The following HDHD5 variants were observed in gnomAD, a reference collection of about 807,000 sequenced individuals.
HDHD5 encodes haloacid dehalogenase like hydrolase domain containing 5, also known as haloacid dehalogenase-like hydrolase domain-containing 5.
In HDHD5, 34 loss-of-function variants were observed where a neutral mutation model predicts 35.5. The observed-to-expected ratio is 0.96, with a 90% CI of 0.73 to 1.28. The LOEUF (loss-of-function observed/expected upper bound fraction) is 1.28. Among genes scored for constraint, HDHD5 ranks in the 50% most tolerant of loss-of-function variants. The probability of loss-of-function intolerance (pLI) is 0.00; values close to 1 mark genes in which losing one functional copy is unlikely to be tolerated. For synonymous variants in HDHD5, 248 were observed against 240.6 expected, an observed-to-expected ratio of 1.03 and a Z score of -0.29; for missense variants, 589 against 560.2, an observed-to-expected ratio of 1.05 and a Z score of -0.52.
chr22:17,158,879 C>A, intron 1 of HDHD5: 1 of 294,338 alleles, frequency 3.4e-6, no homozygotes, highest in Admixed American at 5.2e-5. Context: ...TGACAAGCAG[C>A]CTGGCCCAGG....
chr22:17,141,102 T>C lies in HDHD5; in HGVS notation c.703A>G (p.Ser235Gly), dbSNP rs749183249. The C allele has an allele frequency of 3.8e-6, 6 of 1,592,908 alleles. No homozygotes were observed. Among genetic ancestry groups the C allele is most frequent in the East Asian group, 2.4e-5 (1 of 42,454 alleles). Residue 235 changes from serine to glycine, a missense_variant, in exon 6 of 8, where the codon AGC becomes GGC. Transcript: ENST00000336737. ...GCCATCCACAGGAGATCCATGTTGC[T>C]GGCTAGGACGGGGAGGTGGGGGTAG... The part of the protein sequence containing the change: ...PPYPHLPVLA[S>G]NMDLLWMAEA...
intron 3 of HDHD5, 38 bp downstream of exon 3, chr22:17,148,410 C>T (rs201281284): frequency 3.4e-5 from 52 of 1,529,666 alleles, no homozygotes; most frequent in Non-Finnish European, 4.7e-5. Context: ...CTCAGCCCTG[C>T]CCCTTCCCTT....
rs559024861 is a variant in HDHD5 at position 17,159,123 on chromosome 22, C to T, written c.126+3G>A. 13 of 1,239,610 alleles carry T rather than the reference C, an allele frequency of 1.0e-5. No homozygotes were observed. In the Admixed American group the frequency reaches 5.2e-4, roughly 50 times the overall value. The allele number at this position is 1,239,610 out of a possible 1,614,324, so 76.8% of individuals were successfully genotyped here. ...GGCTCGGCCAGAACCCGGACGTCCT[C>T]ACCTGAGCGGGGCCCACAGCATAGC... On this transcript the variant is annotated splice_donor_region_variant and intron_variant, in intron 1 of 7. Coordinates refer to ENST00000336737, the MANE Select transcript of HDHD5 (RefSeq NM_033070.3).
At chr22:17,145,322 T>A (rs1403676373) in intron 3 of HDHD5, among the ~76,000 whole-genome samples, 2 of 152,122 alleles carry the variant, frequency 1.3e-5, no homozygotes, top group Non-Finnish European at 2.9e-5. Context: ...AGAGGGCAGC[T>A]CCTGGGTAAC....
At chr22:17,164,888 G>A (rs948383315) in intron 1 of HDHD5, among the ~76,000 whole-genome samples, 2 of 152,238 alleles carry the variant, frequency 1.3e-5, no homozygotes, top group African/African-American at 4.8e-5. Flanking sequence ...GTACAGGAAT[G>A]GCAGGGAAGC....
chr22:17,138,460 A>G, intron 7 of HDHD5, 90 bp downstream of exon 7: 6 of 1,540,620 alleles, frequency 3.9e-6, no homozygotes, highest in Non-Finnish European at 5.3e-6. Context: ...AGAAGAGTGA[A>G]TTAGATATAG....
chr22:17,163,119 T>C (rs1468669620), upstream of HDHD5, among the ~76,000 whole-genome samples: 1 of 152,242 alleles, frequency 6.6e-6, no homozygotes, highest in Non-Finnish European at 1.5e-5. Context: ...TTTTGTACCG[T>C]CTGTTGTACA....
At chr22:17,144,909 A>T in intron 4 of HDHD5, 115 bp downstream of exon 4, 1 of 1,267,102 alleles carries the variant, frequency 7.9e-7, no homozygotes, top group Non-Finnish European at 1.1e-6. Context: ...GCCTCCAAAG[A>T]AGCATGGACA....
Position 17,138,010 on chromosome 22 carries a change from C to CCGCA in HDHD5, c.*7_*10dup. On this transcript the variant is annotated 3_prime_UTR_variant, in exon 8 of 8. Transcript: ENST00000336737. ...GTCCAGGCTCACCCCCTCACCTCCA[C>CCGCA]CGCACTGCCCTCACTCCAAAGCCCA... The CCGCA allele has an allele frequency of 6.2e-7, 1 of 1,600,672 alleles. No individual in the cohort carries two copies.
intron 3 of HDHD5, among the ~76,000 whole-genome samples, chr22:17,147,448 T>G (rs1316057): frequency 1.1e-5 from 1 of 91,902 alleles, no homozygotes; most frequent in African/African-American, 3.9e-5. Context: ...GGCCTTCACA[T>G]GCCATCGCAC....
At chr22:17,153,761 T>C (rs1388033068) in intron 1 of HDHD5, among the ~76,000 whole-genome samples, 1 of 152,180 alleles carries the variant, frequency 6.6e-6, no homozygotes, top group Non-Finnish European at 1.5e-5. Context: ...TCACAGGTGA[T>C]TGACAAAGGC....
At chr22:17,153,857 G>A (rs2061755288) in intron 1 of HDHD5, among the ~76,000 whole-genome samples, 1 of 152,116 alleles carries the variant, frequency 6.6e-6, no homozygotes, top group Non-Finnish European at 1.5e-5. Context: ...TGAAGGAAAA[G>A]AGTGGCTCTT....
At chr22:17,164,181 A>C (rs2061878709), upstream of HDHD5, among the ~76,000 whole-genome samples, 1 of 149,750 alleles carries the variant, frequency 6.7e-6, no homozygotes, top group Admixed American at 6.7e-5. Flanking sequence ...AGACCGTGCC[A>C]CTGCACTCCA....
At chr22:17,138,761 A>T in intron 6 of HDHD5, 23 bp from the exon 7 acceptor site, 2 of 1,613,828 alleles carry the variant, frequency 1.2e-6, no homozygotes, top group Non-Finnish European at 1.7e-6. Context: ...AGCACGCAGC[A>T]GTTCAGTCTT....
chr22:17,155,848 CAT>C (rs971915614), intron 1 of HDHD5, among the ~76,000 whole-genome samples: 34 of 152,306 alleles, frequency 2.2e-4, no homozygotes, highest in African/African-American at 7.9e-4. Context: ...AACAGGAACT[CAT>C]AGCTGAAGAA....
At chr22:17,141,008 A>G in intron 6 of HDHD5, 51 bp downstream of exon 6, 1 of 1,484,532 alleles carries the variant, frequency 6.7e-7, no homozygotes, top group South Asian at 1.4e-5. Flanking sequence ...CTGCCCAGGC[A>G]GCAGCCAGGA....
rs1223609863 is a variant in HDHD5 at position 17,137,753 on chromosome 22, GA to G, written c.*267del. The G allele has an allele frequency of 2.2e-6, 1 of 448,640 alleles. No homozygotes were observed. The highest frequency in any genetic ancestry group is 4.1e-6 in the Non-Finnish European group (1 of 246,884). The allele number at this position is 448,640 out of a possible 1,614,324, so 27.8% of individuals were successfully genotyped here. On this transcript the variant is annotated 3_prime_UTR_variant, in exon 8 of 8. Transcript: ENST00000336737. ...GAGAAGGACACTGAGGCACACAGGG[GA>G]AGAGAATGGCCTGAGGTTAGACTGC...
rs2061552119 is a variant in HDHD5 at position 17,137,984 on chromosome 22, G to A, written c.*37C>T. On this transcript the variant is annotated 3_prime_UTR_variant, in exon 8 of 8. Transcript: ENST00000336737. ...GCCCAGCCAATGGGACTCGCCCACA[G>A]GTCCAGGCTCACCCCCTCACCTCCA... 4 of 1,553,622 alleles carry A rather than the reference G, an allele frequency of 2.6e-6. No individual in the cohort carries two copies. Among genetic ancestry groups the A allele is most frequent in the South Asian group, 2.3e-5 (2 of 85,118 alleles).
At chr22:17,158,843 C>T in intron 1 of HDHD5, 1 of 241,428 alleles carries the variant, frequency 4.1e-6, no homozygotes, top group Middle Eastern at 1.3e-3. Context: ...AACAGGGACG[C>T]GGAAACTGCC....
Sources: gnomAD v4.1 joint callset for allele counts (sites outside exome capture counted in the v4.1 genomes callset) on GRCh38, gnomAD v4.1.1 for gene constraint, MANE v1.5 for transcripts, NCBI Gene and HGNC (gene_info 2026-07-23, HGNC 2026-07-21) for gene names.